TF: variants seen among roughly 807,000 people sequenced by gnomAD.
The protein encoded by TF is transferrin.
TF carries 55 observed loss-of-function variants against 82.4 expected under a neutral mutation model. The observed-to-expected ratio is 0.67, with a 90% confidence interval of 0.54 to 0.84. TF has a LOEUF of 0.84. Among genes scored for constraint, TF ranks in the 40% least tolerant of loss-of-function variants. The pLI, the probability that TF is intolerant of heterozygous loss-of-function variation, is 0.00. For missense variants in TF, 737 were observed against 868.4 expected (o/e 0.85, Z 1.90); for synonymous variants, 332 against 332.6 (o/e 1.00, Z 0.02).
At chr3:133,717,041 A>G in the TF span, among the ~76,000 whole-genome samples, 6 of 152,148 alleles carry the variant, frequency 3.9e-5, no homozygotes, top group Admixed American at 3.3e-4. Flanking sequence ...ATAAACACAC[A>G]TGCTTGCACA....
intron 16 of TF, chr3:133,778,376 T>A: frequency 2.1e-6 from 1 of 485,076 alleles, no homozygotes; most frequent in African/African-American, 2.0e-5. Context: ...AAAATCATGT[T>A]AACAGCTTTG....
chr3:133,793,033 TA>T lies in TF; in HGVS notation c.*14418del, dbSNP rs1389954568. The T allele has an allele frequency of 6.6e-6, 1 of 152,282 alleles. No individual in the cohort carries two copies. The highest frequency in any genetic ancestry group is 2.4e-5 in the African/African-American group (1 of 41,558). The allele number at this position is 152,282 out of a possible 1,614,324, so 9.4% of individuals were successfully genotyped here. On this transcript the variant is annotated 3_prime_UTR_variant, in exon 17 of 17. Transcript: ENST00000402696. ...GAAAGATATGTCTACAAGGTTTTCT[TA>T]AAAATTGGGGTTGACATTAATAGCA...
In TF at chr3:133,789,660, G is replaced by C. The variant is rs548541364; in HGVS notation, c.*11040G>C. ...CACTCATAAATTAAGTAAATAAGTC[G>C]AAGCAATTTTCAAGTTCACATGACT... is the stretch of plus-strand genomic sequence containing the variant. On this transcript the variant is annotated 3_prime_UTR_variant, in exon 17 of 17. Coordinates refer to ENST00000402696, the MANE Select transcript of TF (RefSeq NM_001063.4). The C allele has an allele frequency of 1.3e-5, 2 of 152,156 alleles. No individual in the cohort carries two copies. Among genetic ancestry groups the C allele is most frequent in the South Asian group, 4.1e-4 (2 of 4,826 alleles). 9.4% of individuals were successfully genotyped at this position (152,156 alleles called of 1,614,324 possible).
chr3:133,755,763 G>A (rs3811657), intron 5 of TF: 79,023 of 536,678 alleles, frequency 0.15, 6,339 homozygotes, highest in East Asian at 0.19. Flanking sequence ...GTCTCCTCTC[G>A]GTGGATCGGG....
At chr3:133,684,136 G>T in the TF span, among the ~76,000 whole-genome samples, 18 of 152,282 alleles carry the variant, frequency 1.2e-4, 1 homozygote, top group South Asian at 3.5e-3. Flanking sequence ...CAGAAATAAA[G>T]ATGTTCTTTG....
At chr3:133,769,075 G>A (rs560706329) in intron 13 of TF, among the ~76,000 whole-genome samples, 6 of 152,250 alleles carry the variant, frequency 3.9e-5, no homozygotes, top group South Asian at 4.2e-4. Flanking sequence ...ACTCACAGGC[G>A]TGGGCCACGT....
At chr3:133,717,433 T>C in the TF span, among the ~76,000 whole-genome samples, 3 of 152,236 alleles carry the variant, frequency 2.0e-5, no homozygotes, top group Non-Finnish European at 4.4e-5. Flanking sequence ...CTGCTTGTCT[T>C]TCTCTGCACA....
At chr3:133,666,617 G>A in the TF span, among the ~76,000 whole-genome samples, 1 of 152,184 alleles carries the variant, frequency 6.6e-6, no homozygotes, top group Non-Finnish European at 1.5e-5. Flanking sequence ...GCAAAGAGGA[G>A]GTAAAATAGA....
intron 8 of TF, 87 bp from the exon 9 acceptor site, chr3:133,759,088 A>G (rs868469228): frequency 6.4e-7 from 1 of 1,555,608 alleles, no homozygotes; most frequent in South Asian, 1.1e-5. Flanking sequence ...AAATCCCAGC[A>G]TTTGCATGAA....
At chr3:133,682,698 A>G in the TF span, among the ~76,000 whole-genome samples, 6 of 152,170 alleles carry the variant, frequency 3.9e-5, no homozygotes, top group Admixed American at 2.0e-4. Context: ...TCCAAGAAAT[A>G]TGGGACTATG....
intron 2 of TF, among the ~76,000 whole-genome samples, chr3:133,752,918 C>T (rs1187744658): frequency 6.6e-6 from 1 of 152,100 alleles, no homozygotes; most frequent in Non-Finnish European, 1.5e-5. Flanking sequence ...CATAGTATCA[C>T]CAAGAAGCTA....
Position 133,757,858 on chromosome 3 carries a change from GT to G in TF, c.965del (p.Leu322Ter). The G allele has an allele frequency of 6.2e-7, 1 of 1,614,196 alleles. No homozygotes were observed. The highest frequency in any genetic ancestry group is 8.5e-7 in the Non-Finnish European group (1 of 1,180,030). Reference sequence around the variant, plus strand: ...TGCTGTTTAAGGACTCTGCCCACGGGTTTTTAAAAGTCCCCCCCAGGATGGA... The same window carrying G: ...TGCTGTTTAAGGACTCTGCCCACGGGTTTTAAAAGTCCCCCCCAGGATGGA... ...DLLFKDSAHGFLKVPPRMDAK... is the reference protein window; with the variant it reads ...DLLFKDSAHGXLKVPPRMDAK... On this transcript the variant is annotated frameshift_variant, in exon 8 of 17. Transcript: ENST00000402696. LOFTEE classifies it high-confidence loss of function.
chr3:133,683,274 G>C, the TF span, among the ~76,000 whole-genome samples: 1 of 152,164 alleles, frequency 6.6e-6, no homozygotes, highest in East Asian at 1.9e-4. Flanking sequence ...GACCATCAAA[G>C]CTAGGAAGAA....
intron 13 of TF, among the ~76,000 whole-genome samples, chr3:133,770,151 C>T (rs908558848): frequency 6.6e-6 from 1 of 152,184 alleles, no homozygotes; most frequent in Non-Finnish European, 1.5e-5. Flanking sequence ...CCTAGACATT[C>T]GCCTTGTATG....
intron 14 of TF, chr3:133,770,810 G>A: frequency 1.7e-6 from 1 of 588,090 alleles, no homozygotes; most frequent in Non-Finnish European, 3.0e-6. Flanking sequence ...ACAGCTGCAA[G>A]CCTTGTGCTC....
chr3:133,746,189 T>G, upstream of TF: 5 of 587,276 alleles, frequency 8.5e-6, no homozygotes, highest in South Asian at 9.6e-5. Context: ...TCCCTTCCCA[T>G]CAACATTTCT....
chr3:133,724,861 G>C, the TF span, among the ~76,000 whole-genome samples: 1 of 152,156 alleles, frequency 6.6e-6, no homozygotes. Context: ...TCCAGTTTCA[G>C]CTTTCTACAT....
chr3:133,741,592 G>A (rs915847181), upstream of TF, among the ~76,000 whole-genome samples: 1 of 152,138 alleles, frequency 6.6e-6, no homozygotes, highest in Non-Finnish European at 1.5e-5. Context: ...GACTGAGAAA[G>A]GTTTGTCGAA....
At chr3:133,699,424 A>T in the TF span, 1 of 1,205,604 alleles carries the variant, frequency 8.3e-7, no homozygotes, top group African/African-American at 1.5e-5. Flanking sequence ...CGTTAGGCTC[A>T]CCTGGGCTTT....
Sources: gnomAD v4.1 joint callset for allele counts (sites outside exome capture counted in the v4.1 genomes callset) on GRCh38, gnomAD v4.1.1 for gene constraint, MANE v1.5 for transcripts, NCBI Gene and HGNC (gene_info 2026-07-23, HGNC 2026-07-21) for gene names.